XKR9: variants seen among roughly 807,000 people sequenced by gnomAD.
XKR9 encodes the protein XK related 9.
Under a neutral mutation model 32.0 loss-of-function variants are expected in XKR9, and 32 were observed. The ratio of observed to expected loss-of-function variants is 1.00; its 90% confidence interval spans 0.76 to 1.34. XKR9 has a LOEUF of 1.34. Ranked by LOEUF, XKR9 falls within the 40% of genes most tolerant of loss-of-function variation. The pLI is 0.00. For missense variants in XKR9, 546 were observed against 429.7 expected (o/e 1.27, Z -2.39); for synonymous variants, 168 against 143.4 (o/e 1.17, Z -1.22).
chr8:70,856,002 G>T, the XKR9 span, among the ~76,000 whole-genome samples: 1 of 152,096 alleles, frequency 6.6e-6, no homozygotes, highest in East Asian at 1.9e-4. Flanking sequence ...AGGAACAACT[G>T]GTATCAGCCA....
At chr8:70,878,705 G>A in the XKR9 span, among the ~76,000 whole-genome samples, 1 of 152,066 alleles carries the variant, frequency 6.6e-6, no homozygotes, top group Non-Finnish European at 1.5e-5. Context: ...CAATAATAAT[G>A]GGAGACTTTA....
intron 3 of XKR9, among the ~76,000 whole-genome samples, chr8:70,688,536 C>T (rs902485074): frequency 1.3e-5 from 2 of 152,002 alleles, no homozygotes; most frequent in Non-Finnish European, 2.9e-5. Flanking sequence ...TCTGCCTCAG[C>T]CTTCTGAGTA....
At chr8:70,805,024 G>A in the XKR9 span, among the ~76,000 whole-genome samples, 1 of 152,192 alleles carries the variant, frequency 6.6e-6, no homozygotes, top group African/African-American at 2.4e-5. Flanking sequence ...GTGATCAGAG[G>A]CTTCCATCAA....
chr8:70,713,455 A>G lies in XKR9; in HGVS notation c.493+6302A>G, dbSNP rs144063490. On this transcript the variant is annotated intron_variant, in intron 4 of 4. Transcript: ENST00000408926. The stretch of plus-strand genomic sequence containing the variant: ...AAGAAGCCCATCATCTGACAAGCGT[A>G]CTCAGCAGAAAGAAATTCATACCAT... Among the ~76,000 whole-genome samples the G allele has an allele frequency of 6.6e-5, 10 of 152,308 alleles. No homozygotes were observed. The East Asian group carries it at 1.7e-3, about 26-fold the overall frequency.
At chr8:71,045,706 T>C in the XKR9 span, among the ~76,000 whole-genome samples, 1 of 152,234 alleles carries the variant, frequency 6.6e-6, no homozygotes, top group African/African-American at 2.4e-5. Context: ...GGGGGAATTC[T>C]CTCCACTTCA....
chr8:70,859,774 G>C, the XKR9 span, among the ~76,000 whole-genome samples: 4 of 152,184 alleles, frequency 2.6e-5, 1 homozygote, highest in South Asian at 4.1e-4. Context: ...ATCACATTTG[G>C]GAGCTAAACA....
At chr8:71,060,119 C>T in the XKR9 span, among the ~76,000 whole-genome samples, 5 of 152,124 alleles carry the variant, frequency 3.3e-5, no homozygotes. Flanking sequence ...TTAAATCATT[C>T]GCTCCATGAC....
chr8:70,677,921 T>TA (rs1818936224), intron 2 of XKR9: 1 of 152,234 alleles, frequency 6.6e-6, no homozygotes, highest in South Asian at 2.1e-4. Context: ...TAAGAAATTA[T>TA]ATTTTTAAGA....
chr8:70,990,201 G>T, the XKR9 span, among the ~76,000 whole-genome samples: 6 of 152,226 alleles, frequency 3.9e-5, no homozygotes, highest in East Asian at 9.7e-4. Flanking sequence ...TAATGCCAGT[G>T]AAATATTTTA....
At chr8:70,687,455 G>T (rs765518509) in intron 3 of XKR9, among the ~76,000 whole-genome samples, 6 of 148,098 alleles carry the variant, frequency 4.1e-5, no homozygotes, top group Non-Finnish European at 8.9e-5. Flanking sequence ...TTATAACCTC[G>T]AACTCCTGGG....
the XKR9 span, among the ~76,000 whole-genome samples, chr8:70,935,140 T>C: frequency 6.8e-6 from 1 of 146,774 alleles, no homozygotes; most frequent in African/African-American, 2.5e-5. Context: ...CACATATATA[T>C]ACACATATAT....
chr8:70,763,601 C>T (rs1045134704), intron 2 of XKR9, among the ~76,000 whole-genome samples: 89 of 152,202 alleles, frequency 5.8e-4, no homozygotes, highest in African/African-American at 2.1e-3. Flanking sequence ...GGTGTTTGAA[C>T]TTCTTGGCTT....
rs751385941 is a variant in XKR9, at chr8:70,707,015, G to C, written c.355G>C (p.Asp119His). Residue 119 changes from aspartate (D) to histidine (H), a missense_variant, in exon 4 of 5, where the codon GAT becomes CAT. Physicochemically the swap from Asp to His is moderately conservative, Grantham distance 81. Transcript: ENST00000408926. ...NTSNFVEEQI[D>H]LHKEVIDRVT... is the part of the protein sequence containing the mutation. ...TAGTAACTTCGTGGAAGAACAAATTGATCTACATAAAGAAGTTATAGATAG... is the reference window on the plus strand; with the variant it reads ...TAGTAACTTCGTGGAAGAACAAATTCATCTACATAAAGAAGTTATAGATAG... The C allele has an allele frequency of 1.7e-5, 27 of 1,613,198 alleles. No individual in the cohort carries two copies. Among genetic ancestry groups the C allele is most frequent in the Non-Finnish European group, 2.2e-5 (26 of 1,179,460 alleles).
the XKR9 span, among the ~76,000 whole-genome samples, chr8:70,858,596 C>T: frequency 1.8e-4 from 28 of 152,094 alleles, no homozygotes; most frequent in East Asian, 5.8e-4. Context: ...TCACATTACC[C>T]GACTTCAAAA....
At chr8:70,695,227 G>A (rs1210359677) in intron 3 of XKR9, among the ~76,000 whole-genome samples, 1 of 148,434 alleles carries the variant, frequency 6.7e-6, no homozygotes, top group African/African-American at 2.5e-5. Context: ...TGTGCAATGT[G>A]CAGGTTAGTT....
chr8:71,021,498 C>CT, the XKR9 span, among the ~76,000 whole-genome samples: 1,236 of 101,396 alleles, frequency 0.012, 29 homozygotes, highest in East Asian at 0.021. Flanking sequence ...TTGATGGTTT[C>CT]TTTTTTTTTT....
At chr8:70,950,827 C>T in the XKR9 span, among the ~76,000 whole-genome samples, 1 of 152,200 alleles carries the variant, frequency 6.6e-6, no homozygotes, top group South Asian at 2.1e-4. Context: ...GCACCCACCA[C>T]CATGCCCAGC....
chr8:70,739,827 C>G (rs532043849), downstream of XKR9, among the ~76,000 whole-genome samples: 3 of 152,272 alleles, frequency 2.0e-5, no homozygotes, highest in Admixed American at 6.5e-5. Flanking sequence ...GAGTTTCTGC[C>G]GAGAGATCCG....
the XKR9 span, among the ~76,000 whole-genome samples, chr8:71,016,217 C>T: frequency 4.1e-4 from 62 of 152,064 alleles, no homozygotes; most frequent in African/African-American, 1.4e-3. Context: ...ACTTTGCTTC[C>T]ATTATATTGG....
Sources: gnomAD v4.1 joint callset for allele counts (sites outside exome capture counted in the v4.1 genomes callset) on GRCh38, gnomAD v4.1.1 for gene constraint, MANE v1.5 for transcripts, NCBI Gene and HGNC (gene_info 2026-07-23, HGNC 2026-07-21) for gene names.